The following MCTP1 variants were observed in gnomAD, a reference collection of about 807,000 sequenced individuals.
The protein encoded by MCTP1 is multiple C2 and transmembrane domain containing 1, also known as multiple C2 and transmembrane domain-containing protein 1.
A neutral mutation model predicts 120.6 loss-of-function variants in MCTP1; 69 were observed. The observed-to-expected ratio is 0.57, with a 90% CI of 0.47 to 0.70. The LOEUF is 0.70. Ranked by LOEUF, MCTP1 falls within the 30% of genes least tolerant of loss-of-function variation. MCTP1 has a pLI of 0.00. For synonymous variants in MCTP1, 529 were observed against 493.1 expected (o/e 1.07, Z -0.96); for missense variants, 1,203 against 1,248.8 (o/e 0.96, Z 0.55).
At position 94,889,048 on chromosome 5, in the gene MCTP1, A is replaced by T. The variant is rs111967623; in HGVS notation, c.1840-76T>A. On this transcript the variant is annotated intron_variant, in intron 11 of 22. Transcript: ENST00000515393. ...AAAGAGTGTGCTGAGAAAACATTACATTTTTTAGTTTATCTTCAGACTCTG... is the reference window on the plus strand; with the variant it reads ...AAAGAGTGTGCTGAGAAAACATTACTTTTTTTAGTTTATCTTCAGACTCTG... 1,047 of 963,362 alleles carry T rather than the reference A, an allele frequency of 1.1e-3. 12 individuals carry two copies. In the African/African-American group the frequency reaches 0.015, roughly 14 times the overall value. 59.7% of individuals were successfully genotyped at this position (963,362 alleles called of 1,614,324 possible). A position where few individuals can be genotyped will look rare whatever the true frequency, so the allele number is the denominator to read the frequency against.
intron 12 of MCTP1, among the ~76,000 whole-genome samples, chr5:94,877,409 T>A (rs1405126845): frequency 2.6e-5 from 4 of 152,108 alleles, no homozygotes; most frequent in Non-Finnish European, 5.9e-5. Flanking sequence ...TGTTTTTTTT[T>A]AAATCTCCCA....
intron 1 of MCTP1, among the ~76,000 whole-genome samples, chr5:95,161,477 A>G (rs1256884871): frequency 6.6e-6 from 1 of 152,122 alleles, no homozygotes; most frequent in African/African-American, 2.4e-5. Flanking sequence ...TGTTGATCAA[A>G]GGGTGCAAAG....
intron 1 of MCTP1, among the ~76,000 whole-genome samples, chr5:95,200,797 G>C (rs934128730): frequency 3.3e-5 from 5 of 152,160 alleles, no homozygotes; most frequent in African/African-American, 9.7e-5. Context: ...TAGATTTTAA[G>C]TGTTCTCACC....
In MCTP1 at chr5:94,703,851, C is replaced by A. The variant is rs902518647; in HGVS notation, c.*3645G>T. ...ACATTTGATAGTTTTTATTTGCATA[C>A]TATTTTTTAATGAGATTTTTCAATA... is the stretch of plus-strand genomic sequence containing the variant. On this transcript the variant is annotated 3_prime_UTR_variant, in exon 23 of 23. Coordinates refer to ENST00000515393, the MANE Select transcript of MCTP1 (RefSeq NM_024717.7). 2 of 151,054 alleles carry A rather than the reference C, an allele frequency of 1.3e-5. No homozygotes were observed. The highest frequency in any genetic ancestry group is 3.0e-5 in the Non-Finnish European group (2 of 67,586). The allele number at this position is 151,054 out of a possible 1,614,324, so 9.4% of individuals were successfully genotyped here. A position where few individuals can be genotyped will look rare whatever the true frequency, so the allele number is the denominator to read the frequency against.
At chr5:95,140,952 T>C (rs1759884908) in intron 1 of MCTP1, among the ~76,000 whole-genome samples, 1 of 151,202 alleles carries the variant, frequency 6.6e-6, no homozygotes. Flanking sequence ...ATCCCTTCTA[T>C]GATCACAGTT....
rs1346956466 is a variant in MCTP1 at position 94,714,894 on chromosome 5, G to A, written c.2611-8C>T. 20 of 1,534,246 alleles carry A rather than the reference G, an allele frequency of 1.3e-5. No individual in the cohort carries two copies. The highest frequency in any genetic ancestry group is 1.6e-5 in the Non-Finnish European group (18 of 1,109,926). ...TCCCTTTTTTTCACTGTCCTAAAATGCAATAAAAAAGAAATTCTGTATGAG... is the reference window on the plus strand; with the variant it reads ...TCCCTTTTTTTCACTGTCCTAAAATACAATAAAAAAGAAATTCTGTATGAG... On this transcript the variant is annotated splice_region_variant and splice_polypyrimidine_tract_variant and intron_variant, in intron 19 of 22. Coordinates refer to ENST00000515393, the MANE Select transcript of MCTP1 (RefSeq NM_024717.7).
At chr5:94,842,951 ACT>A (rs148838347) in intron 17 of MCTP1, among the ~76,000 whole-genome samples, 6,966 of 151,926 alleles carry the variant, frequency 0.046, 217 homozygotes, top group Non-Finnish European at 0.071. Context: ...GGATGTGAAA[ACT>A]CTCTTATTTT....
chr5:94,897,863 T>C (rs1049349114), intron 10 of MCTP1, among the ~76,000 whole-genome samples: 4 of 152,160 alleles, frequency 2.6e-5, no homozygotes, highest in African/African-American at 9.7e-5. Flanking sequence ...CCAGTGTCGT[T>C]CCCCTCTTTG....
At chr5:94,910,180 GTA>G (rs1455185946) in intron 9 of MCTP1, among the ~76,000 whole-genome samples, 9 of 91,894 alleles carry the variant, frequency 9.8e-5, no homozygotes, top group African/African-American at 1.8e-4. Context: ...ATACATATAT[GTA>G]TGTGTGCATA....
chr5:94,803,514 G>T (rs536267482), intron 17 of MCTP1, among the ~76,000 whole-genome samples: 1 of 152,198 alleles, frequency 6.6e-6, no homozygotes, highest in South Asian at 2.1e-4. Flanking sequence ...TCTGAAAAGT[G>T]AAAATGATAC....
intron 1 of MCTP1, among the ~76,000 whole-genome samples, chr5:95,126,067 T>A (rs2152416571): frequency 6.6e-6 from 1 of 152,282 alleles, no homozygotes; most frequent in East Asian, 1.9e-4. Flanking sequence ...AATAAATTGG[T>A]TTTTTGTTTT....
intron 1 of MCTP1, among the ~76,000 whole-genome samples, chr5:95,195,709 G>A (rs1750310611): frequency 6.6e-6 from 1 of 151,760 alleles, no homozygotes; most frequent in Non-Finnish European, 1.5e-5. Context: ...GCAGAGAGGG[G>A]TATAAAGTGA....
chr5:95,085,781 A>G (rs895566007), intron 1 of MCTP1, among the ~76,000 whole-genome samples: 2 of 152,090 alleles, frequency 1.3e-5, no homozygotes, highest in Admixed American at 1.3e-4. Context: ...CTGAAATACC[A>G]AGAGTCTTGA....
chr5:95,250,419 AT>A, intron 1 of MCTP1, among the ~76,000 whole-genome samples: 1 of 152,212 alleles, frequency 6.6e-6, no homozygotes, highest in Non-Finnish European at 1.5e-5. Flanking sequence ...GTCAGTATAC[AT>A]GAAACTGTGG....
chr5:95,225,429 T>C (rs1754148920), intron 1 of MCTP1, among the ~76,000 whole-genome samples: 1 of 152,178 alleles, frequency 6.6e-6, no homozygotes, highest in African/African-American at 2.4e-5. Flanking sequence ...ACCCAGGCTA[T>C]AGGAACATAC....
At chr5:95,251,876 C>T (rs1757415646) in intron 1 of MCTP1, among the ~76,000 whole-genome samples, 1 of 151,844 alleles carries the variant, frequency 6.6e-6, no homozygotes, top group African/African-American at 2.4e-5. Context: ...CAGAAACTTA[C>T]CCCAAATCAC....
At chr5:95,257,599 A>G (rs1758021745) in intron 1 of MCTP1, among the ~76,000 whole-genome samples, 1 of 152,184 alleles carries the variant, frequency 6.6e-6, no homozygotes, top group Non-Finnish European at 1.5e-5. Context: ...ACATTGTTCT[A>G]TGCCATTAAA....
chr5:95,202,024 G>T (rs1751115443), intron 1 of MCTP1, among the ~76,000 whole-genome samples: 1 of 152,134 alleles, frequency 6.6e-6, no homozygotes, highest in Non-Finnish European at 1.5e-5. Flanking sequence ...AATAGCAGGA[G>T]AACTGGTGAA....
At chr5:94,716,687 C>A (rs760440471) in intron 19 of MCTP1, among the ~76,000 whole-genome samples, 57 of 151,814 alleles carry the variant, frequency 3.8e-4, no homozygotes, top group Non-Finnish European at 1.9e-4. Flanking sequence ...AAAACTATTT[C>A]ACAGTAACAA....
Sources: allele counts gnomAD v4.1 joint callset (sites outside exome capture counted in the v4.1 genomes callset), GRCh38; gene constraint gnomAD v4.1.1; transcripts MANE v1.5; gene names NCBI Gene and HGNC (gene_info 2026-07-23, HGNC 2026-07-21).